SMG6: variants seen among roughly 807,000 people sequenced by gnomAD.
The protein encoded by SMG6 is SMG6 nonsense mediated mRNA decay factor.
SMG6 carries 66 observed loss-of-function variants against 142.2 expected under a neutral mutation model. That is an observed-to-expected ratio of 0.46 (90% confidence interval 0.38 to 0.57). The LOEUF is 0.57. Among genes scored for constraint, SMG6 ranks in the 20% least tolerant of loss-of-function variants. The probability of loss-of-function intolerance (pLI) is 0.00; values close to 1 mark genes in which losing one functional copy is unlikely to be tolerated. For synonymous variants in SMG6, 779 were observed against 702.4 expected (o/e 1.11, Z -1.72); for missense variants, 1,793 against 1,832.0 (o/e 0.98, Z 0.39).
chr17:2,096,394 A>G (rs2068856042), intron 13 of SMG6, among the ~76,000 whole-genome samples: 1 of 152,202 alleles, frequency 6.6e-6, no homozygotes, highest in Non-Finnish European at 1.5e-5. Context: ...TTTTTAATAG[A>G]GATGTGGTTT....
intron 10 of SMG6, among the ~76,000 whole-genome samples, chr17:2,206,252 T>C (rs2072677488): frequency 6.6e-6 from 1 of 152,118 alleles, no homozygotes; most frequent in Non-Finnish European, 1.5e-5. Flanking sequence ...AACCCATATA[T>C]AGGAATAAGT....
chr17:2,077,805 C>T (rs113450762), intron 15 of SMG6, among the ~76,000 whole-genome samples: 5 of 151,982 alleles, frequency 3.3e-5, no homozygotes, highest in Admixed American at 1.3e-4. Flanking sequence ...TAGTTGGAAC[C>T]ATAGGCACGT....
intron 13 of SMG6, among the ~76,000 whole-genome samples, chr17:2,120,490 C>G (rs1035808724): frequency 3.9e-5 from 6 of 152,208 alleles, no homozygotes; most frequent in African/African-American, 1.4e-4. Context: ...ACGAGTGAGG[C>G]AGGAGGACTG....
intron 12 of SMG6, among the ~76,000 whole-genome samples, chr17:2,174,062 C>A (rs1366543491): frequency 6.6e-6 from 1 of 152,216 alleles, no homozygotes; most frequent in African/African-American, 2.4e-5. Flanking sequence ...CAATTAGATT[C>A]ATGAGCTAGA....
In SMG6 at chr17:2,068,649, C is replaced by T. The variant is rs1476723354; in HGVS notation, c.3835+129G>A. Reference sequence around the variant, plus strand: ...TTTTCTTTGCCCCACGCGTTCCCTACTCCCCTGCAAATCCCATCTTACACA... The same window carrying T: ...TTTTCTTTGCCCCACGCGTTCCCTATTCCCCTGCAAATCCCATCTTACACA... On this transcript the variant is annotated intron_variant, in intron 16 of 18. Coordinates refer to ENST00000263073, the MANE Select transcript of SMG6 (RefSeq NM_017575.5). The surrounding 1 kb of genome is among the most constrained non-coding windows in gnomAD (Gnocchi z 6.7). The T allele has an allele frequency of 2.2e-6, 2 of 916,836 alleles. No homozygotes were observed. The highest frequency in any genetic ancestry group is 3.3e-5 in the African/African-American group (2 of 60,048). The allele number at this position is 916,836 out of a possible 1,614,324, so 56.8% of individuals were successfully genotyped here.
intron 8 of SMG6, among the ~76,000 whole-genome samples, 185 bp downstream of exon 8, chr17:2,282,462 G>T (rs1200709012): frequency 1.3e-5 from 2 of 150,938 alleles, no homozygotes; most frequent in Admixed American, 6.6e-5. Context: ...ATAGTGGTGA[G>T]AGAGGGAAGT....
chr17:2,120,214 AT>A (rs1321971475), intron 13 of SMG6, among the ~76,000 whole-genome samples: 1 of 152,392 alleles, frequency 6.6e-6, no homozygotes, highest in Non-Finnish European at 1.5e-5. Context: ...AATTGATTTC[AT>A]GAAAATTAAA....
chr17:2,299,665 G>C lies in SMG6; in HGVS notation c.1088C>G (p.Ser363Cys), dbSNP rs1450956145. ...ATCCCTGGCTGACCTCACCATGGGAGACTCTTTGTTCATGGCTTCTGCATC... is the reference window on the plus strand; with the variant it reads ...ATCCCTGGCTGACCTCACCATGGGACACTCTTTGTTCATGGCTTCTGCATC... ...TFDAEAMNKE[S>C]PMVRSARDDM... The change falls in exon 2 of 19, where the codon TCT becomes TGT. Residue 363 changes from serine (S) to cysteine (C), a missense_variant. Ser to Cys is a moderately radical substitution (Grantham distance 112). Transcript: ENST00000263073. This position sits in a 1 kb window ranked among gnomAD's most constrained non-coding sequence, Gnocchi z 4.3. 6.2e-7 allele frequency: 1 copy of C among 1,614,106 alleles called. No individual in the cohort carries two copies. The highest frequency in any genetic ancestry group is 1.3e-5 in the African/African-American group (1 of 74,930).
intron 6 of SMG6, among the ~76,000 whole-genome samples, chr17:2,285,354 G>A (rs1157436027): frequency 6.6e-6 from 1 of 152,128 alleles, no homozygotes; most frequent in Non-Finnish European, 1.5e-5. Context: ...ACAGAAAAAA[G>A]AGGGATAGAG....
At chr17:2,087,716 G>A in intron 13 of SMG6, 1 of 987,246 alleles carries the variant, frequency 1.0e-6, no homozygotes, top group Non-Finnish European at 1.2e-6. Context: ...TAGAAATACA[G>A]AAGCAGGGGC....
chr17:2,107,942 T>C (rs527563369), intron 13 of SMG6, among the ~76,000 whole-genome samples: 1 of 152,344 alleles, frequency 6.6e-6, no homozygotes. Flanking sequence ...GTCCTCACTT[T>C]AGAGTTCTAT....
Position 2,282,816 on chromosome 17 carries a change from C to A in SMG6, c.2492G>T (p.Ser831Ile). Residue 831 changes from serine to isoleucine, a missense_variant, in exon 8 of 19, where the codon AGC becomes ATC. Transcript: ENST00000263073. ...EKKQHEEFDL[S>I]PDQWRKGKKS... Reference sequence around the variant, plus strand: ...CTTTCCTTTCCGCCACTGGTCAGGGCTCAGGTCAAATTCCTCATGTTGCTT... The same window carrying A: ...CTTTCCTTTCCGCCACTGGTCAGGGATCAGGTCAAATTCCTCATGTTGCTT... 1.9e-6 allele frequency: 3 copies of A among 1,614,178 alleles called. No individual in the cohort carries two copies. Among genetic ancestry groups the A allele is most frequent in the Non-Finnish European group, 2.5e-6 (3 of 1,180,044 alleles).
At chr17:2,088,430 G>C (rs923499713) in intron 13 of SMG6, 1 of 985,362 alleles carries the variant, frequency 1.0e-6, no homozygotes, top group South Asian at 4.7e-5. Context: ...CCCTCTCCCA[G>C]TTTTCATTTC....
chr17:2,132,814 A>G (rs1006674570), intron 13 of SMG6, among the ~76,000 whole-genome samples: 2 of 152,190 alleles, frequency 1.3e-5, no homozygotes, highest in Admixed American at 6.5e-5. Flanking sequence ...TGTTGTTGAG[A>G]CAGGGTCTCA....
chr17:2,184,363 G>GA (rs59286755), intron 12 of SMG6, among the ~76,000 whole-genome samples: 179 of 135,870 alleles, frequency 1.3e-3, no homozygotes, highest in East Asian at 4.4e-3. Flanking sequence ...ACTCTGGGGG[G>GA]AAAAAAAAAA....
Position 2,297,984 on chromosome 17 carries a change from T to C in SMG6, c.1919A>G (p.Asp640Gly). 1 of 1,613,434 alleles carries C rather than the reference T, an allele frequency of 6.2e-7. No individual in the cohort carries two copies. The highest frequency in any genetic ancestry group is 8.5e-7 in the Non-Finnish European group (1 of 1,180,008). The change falls in exon 3 of 19, where the codon GAT becomes GGT. Residue 640 changes from aspartate (D) to glycine (G), a missense_variant. By Grantham distance (94) the Asp-to-Gly change is moderately conservative. Coordinates refer to ENST00000263073, the MANE Select transcript of SMG6 (RefSeq NM_017575.5). ...DIEFSDNQNV[D>G]QILWKNAFYQ... ...GAAAGCATTCTTCCACAGGATCTGA[T>C]CCACATTCTGATTATCAGAGAACTC...
chr17:2,086,031 T>C, intron 13 of SMG6, 130 bp from the exon 14 acceptor site: 6 of 937,994 alleles, frequency 6.4e-6, no homozygotes, highest in Middle Eastern at 2.2e-4. Context: ...TCAGAATGAA[T>C]GACGGGGTGC....
At chr17:2,249,436 A>G (rs142944803) in intron 8 of SMG6, among the ~76,000 whole-genome samples, 12 of 152,204 alleles carry the variant, frequency 7.9e-5, no homozygotes, top group African/African-American at 2.9e-4. Flanking sequence ...CTAAGATTAT[A>G]GGCGCATACC....
chr17:2,234,412 C>T (rs1385209492), intron 10 of SMG6, among the ~76,000 whole-genome samples: 4 of 151,598 alleles, frequency 2.6e-5, no homozygotes, highest in African/African-American at 9.7e-5. Context: ...CAGGTGCCCA[C>T]CACCAAGCGC....
Sources: gnomAD v4.1 joint callset for allele counts (sites outside exome capture counted in the v4.1 genomes callset) on GRCh38, gnomAD v4.1.1 for gene constraint, Gnocchi (gnomAD v3.1) non-coding constraint, MANE v1.5 for transcripts, NCBI Gene and HGNC (gene_info 2026-07-23, HGNC 2026-07-21) for gene names.